Variants in CASP5 observed in about 807,000 individuals in gnomAD.
The protein encoded by CASP5 is caspase 5, also known as caspase-5.
CASP5 carries 42 observed loss-of-function variants against 45.2 expected under a neutral mutation model. The observed-to-expected ratio is 0.93, with a 90% CI of 0.73 to 1.20. The LOEUF (loss-of-function observed/expected upper bound fraction) is 1.20, where lower values mean the gene tolerates loss of function less well. CASP5 is among the 50% of genes most tolerant of loss of function. The probability of loss-of-function intolerance (pLI) is 0.00; values close to 1 mark genes in which losing one functional copy is unlikely to be tolerated. For missense variants in CASP5, 512 were observed against 532.2 expected, an observed-to-expected ratio of 0.96 and a Z score of 0.37; for synonymous variants, 209 against 186.2, an observed-to-expected ratio of 1.12 and a Z score of -1.00.
intron 2 of CASP5, among the ~76,000 whole-genome samples, chr11:105,008,362 G>T (rs2134722960): frequency 6.6e-6 from 1 of 152,076 alleles, no homozygotes; most frequent in African/African-American, 2.4e-5. Context: ...AATATCTTGG[G>T]AGTTATTGGC....
At chr11:105,022,661 A>T (rs1056003820) in intron 1 of CASP5, among the ~76,000 whole-genome samples, 1 of 152,000 alleles carries the variant, frequency 6.6e-6, no homozygotes, top group African/African-American at 2.4e-5. Context: ...AGGTGGAAAA[A>T]TGCAATCACT....
At chr11:105,022,578 A>T (rs778959481) in intron 1 of CASP5, among the ~76,000 whole-genome samples, 1 of 152,152 alleles carries the variant, frequency 6.6e-6, no homozygotes, top group Non-Finnish European at 1.5e-5. Context: ...GGGAGTGGGA[A>T]GACAGTTAAA....
chr11:105,016,448 C>T (rs554591368), intron 1 of CASP5, among the ~76,000 whole-genome samples: 6 of 152,120 alleles, frequency 3.9e-5, no homozygotes, highest in East Asian at 1.9e-4. Context: ...TCAGTGGGTG[C>T]GTGCACCGTG....
chr11:104,999,104 G>C, intron 6 of CASP5, 76 bp from the exon 7 acceptor site: 1 of 1,286,926 alleles, frequency 7.8e-7, no homozygotes, highest in Non-Finnish European at 1.1e-6. Context: ...GTGTAGGTTT[G>C]TTACATAGTT....
chr11:105,010,546 T>G (rs951433877), intron 1 of CASP5, among the ~76,000 whole-genome samples: 1 of 148,764 alleles, frequency 6.7e-6, no homozygotes, highest in Non-Finnish European at 1.5e-5. Flanking sequence ...TAATAATCAT[T>G]ATTATTTACA....
intron 6 of CASP5, among the ~76,000 whole-genome samples, chr11:104,999,248 CCT>C (rs908306385): frequency 3.9e-5 from 6 of 152,078 alleles, no homozygotes; most frequent in African/African-American, 1.2e-4. Flanking sequence ...TATTCCCCTC[CCT>C]GTGTCCATGT....
intron 1 of CASP5, among the ~76,000 whole-genome samples, chr11:105,009,704 GAT>G (rs1298897958): frequency 1.0e-5 from 1 of 98,480 alleles, no homozygotes; most frequent in Non-Finnish European, 2.0e-5. Context: ...TTTACCAGGA[GAT>G]ATATATATAC....
At chr11:105,003,195 A>G (rs764713033) in intron 4 of CASP5, 79 bp downstream of exon 4, 64 of 920,694 alleles carry the variant, frequency 7.0e-5, no homozygotes, top group Non-Finnish European at 1.1e-4. Flanking sequence ...GCAAGACCCC[A>G]TTTTTAAAAA....
intron 8 of CASP5, among the ~76,000 whole-genome samples, chr11:104,997,154 A>T (rs1392989994): frequency 1.3e-5 from 2 of 152,124 alleles, no homozygotes; most frequent in Non-Finnish European, 2.9e-5. Context: ...TATAACCCAA[A>T]ATAGGAAGCT....
At chr11:105,003,684 G>C (rs183935516) in intron 3 of CASP5, among the ~76,000 whole-genome samples, 3 of 152,026 alleles carry the variant, frequency 2.0e-5, no homozygotes, top group African/African-American at 4.8e-5. Flanking sequence ...AAAACAGTTT[G>C]ATTTTTCCAG....
intron 1 of CASP5, among the ~76,000 whole-genome samples, chr11:105,011,176 G>A (rs912738673): frequency 6.6e-6 from 1 of 151,782 alleles, no homozygotes; most frequent in Non-Finnish European, 1.5e-5. Flanking sequence ...ACACAGATTA[G>A]TTAATGGAAT....
chr11:105,013,892 A>G (rs558059981), intron 1 of CASP5, among the ~76,000 whole-genome samples: 52 of 152,268 alleles, frequency 3.4e-4, no homozygotes, highest in African/African-American at 1.2e-3. Context: ...TGCCTTCTGT[A>G]TGTCTTATTC....
intron 3 of CASP5, among the ~76,000 whole-genome samples, chr11:105,006,673 T>A (rs952255890): frequency 6.6e-6 from 1 of 152,190 alleles, no homozygotes; most frequent in Non-Finnish European, 1.5e-5. Context: ...GGCATTACAA[T>A]GTTTCTGGCT....
chr11:105,020,818 CATA>C (rs1862915176), intron 1 of CASP5, among the ~76,000 whole-genome samples: 1 of 152,048 alleles, frequency 6.6e-6, no homozygotes, highest in South Asian at 2.1e-4. Context: ...CTTTACAGTT[CATA>C]TGGAACCAAA....
Position 104,995,730 on chromosome 11 carries a change from C to A in CASP5, c.*4+10G>T. The A allele has an allele frequency of 6.4e-7, 1 of 1,567,284 alleles. No homozygotes were observed. Among genetic ancestry groups the A allele is most frequent in the Non-Finnish European group, 8.8e-7 (1 of 1,138,726 alleles). ...ATTTATTTCACCCTCCAACAACTCTCAATACTTACATTTTCAATTGCCAGG... is the reference window on the plus strand; with the variant it reads ...ATTTATTTCACCCTCCAACAACTCTAAATACTTACATTTTCAATTGCCAGG... On this transcript the variant is annotated intron_variant, in intron 9 of 9. Coordinates refer to ENST00000260315, the MANE Select transcript of CASP5 (RefSeq NM_004347.5).
At chr11:105,022,295 A>C (rs930558048) in intron 1 of CASP5, among the ~76,000 whole-genome samples, 2 of 151,918 alleles carry the variant, frequency 1.3e-5, no homozygotes, top group Admixed American at 1.3e-4. Flanking sequence ...ATGTACCCTA[A>C]AACTTAAAGT....
At chr11:104,997,022 C>G (rs1382895963) in intron 8 of CASP5, among the ~76,000 whole-genome samples, 1 of 152,172 alleles carries the variant, frequency 6.6e-6, no homozygotes, top group Non-Finnish European at 1.5e-5. Context: ...TTAAGCCATG[C>G]AAGCCTCATT....
chr11:105,011,599 A>G (rs2134735932), intron 1 of CASP5, among the ~76,000 whole-genome samples: 1 of 151,918 alleles, frequency 6.6e-6, no homozygotes, highest in African/African-American at 2.4e-5. Flanking sequence ...CAAATGCAGT[A>G]AAGTTGAAGG....
At chr11:105,017,348 C>G (rs1862676689) in intron 1 of CASP5, among the ~76,000 whole-genome samples, 1 of 152,102 alleles carries the variant, frequency 6.6e-6, no homozygotes, top group Non-Finnish European at 1.5e-5. Flanking sequence ...TTCAGATGAT[C>G]AAATTACTCC....
Sources: gnomAD v4.1 joint callset for allele counts (sites outside exome capture counted in the v4.1 genomes callset) on GRCh38, gnomAD v4.1.1 for gene constraint, MANE v1.5 for transcripts, NCBI Gene and HGNC (gene_info 2026-07-23, HGNC 2026-07-21) for gene names.